RNASEH2B: variants seen among roughly 807,000 people sequenced by gnomAD.
The protein encoded by RNASEH2B is ribonuclease H2 subunit B, also known as Aicardi-Goutieres syndrome 2 protein.
In RNASEH2B, 36 loss-of-function variants were observed where a neutral mutation model predicts 45.0. The observed-to-expected ratio is 0.80, with a 90% CI of 0.61 to 1.06. RNASEH2B has a LOEUF of 1.06. Ranked by LOEUF, RNASEH2B falls within the 50% of genes least tolerant of loss-of-function variation. The pLI is 0.00. For synonymous variants in RNASEH2B, 119 were observed against 125.7 expected (o/e 0.95, Z 0.35); for missense variants, 361 against 360.3 (o/e 1.00, Z -0.02).
chr13:50,924,123 G>A (rs961020941), intron 1 of RNASEH2B, among the ~76,000 whole-genome samples: 4 of 152,164 alleles, frequency 2.6e-5, no homozygotes, highest in Admixed American at 6.5e-5. Context: ...AAAGGAATAT[G>A]ACATACAGAA....
chr13:50,940,725 G>A (rs1279693528), intron 5 of RNASEH2B: 1 of 152,210 alleles, frequency 6.6e-6, no homozygotes, highest in Non-Finnish European at 1.5e-5. Context: ...GTTGATCTAG[G>A]AGGAGATCAC....
downstream of RNASEH2B, among the ~76,000 whole-genome samples, chr13:50,958,893 C>T (rs1952082111): frequency 6.6e-6 from 1 of 151,980 alleles, no homozygotes; most frequent in Admixed American, 6.6e-5. Context: ...ATTGGATTTT[C>T]AAATATATAT....
intron 1 of RNASEH2B, among the ~76,000 whole-genome samples, chr13:50,914,294 A>G (rs1305490058): frequency 6.6e-5 from 10 of 152,204 alleles, no homozygotes; most frequent in Non-Finnish European, 8.8e-5. Context: ...TCAAAACGGT[A>G]TGTATGTATA....
intron 1 of RNASEH2B, 72 bp downstream of exon 1, chr13:50,910,212 G>A: frequency 8.7e-7 from 1 of 1,143,592 alleles, no homozygotes; most frequent in Non-Finnish European, 1.1e-6. Context: ...CGGGCGCGCC[G>A]CCCCCCACCC....
At chr13:50,952,406 G>A (rs1951987251) in intron 9 of RNASEH2B, 2 of 151,820 alleles carry the variant, frequency 1.3e-5, no homozygotes, top group Non-Finnish European at 2.9e-5. Flanking sequence ...ATAGAAACAT[G>A]TATTTTTTTT....
At chr13:50,949,556 C>G in intron 9 of RNASEH2B, 51 bp downstream of exon 9, 3 of 1,497,572 alleles carry the variant, frequency 2.0e-6, no homozygotes, top group Non-Finnish European at 2.8e-6. Flanking sequence ...AAATATTACA[C>G]TCTTACCACA....
intron 5 of RNASEH2B, chr13:50,935,313 G>T (rs935238816): frequency 5.4e-6 from 2 of 373,824 alleles, no homozygotes; most frequent in African/African-American, 4.1e-5. Flanking sequence ...TGCCTCAGAT[G>T]TCTCATTGTA....
chr13:50,936,007 TG>T (rs1030768859), intron 5 of RNASEH2B: 1 of 152,084 alleles, frequency 6.6e-6, no homozygotes, highest in Non-Finnish European at 1.5e-5. Context: ...ATCTGGTTGT[TG>T]GGTGGTGGTC....
exon 10 of RNASEH2B, chr13:50,970,062 C>T: frequency 8.6e-7 from 1 of 1,169,292 alleles, no homozygotes; most frequent in South Asian, 1.3e-5. Flanking sequence ...TGGAAAATCG[C>T]CAGGTGCCAA....
chr13:50,935,431 A>G (rs538269631), intron 5 of RNASEH2B: 23 of 201,332 alleles, frequency 1.1e-4, no homozygotes, highest in South Asian at 5.2e-4. Context: ...TGAATAAGAC[A>G]TTGTCCTTTT....
intron 1 of RNASEH2B, among the ~76,000 whole-genome samples, chr13:50,922,348 A>T (rs1271332042): frequency 6.6e-6 from 1 of 152,176 alleles, no homozygotes. Context: ...GGCTATGTGC[A>T]TGCTCAGAAG....
At chr13:50,964,617 G>A (rs374636556) in intron 9 of RNASEH2B, among the ~76,000 whole-genome samples, 9 of 152,266 alleles carry the variant, frequency 5.9e-5, no homozygotes, top group African/African-American at 1.9e-4. Context: ...GCACGGTGCC[G>A]AGCACACAGT....
intron 1 of RNASEH2B, among the ~76,000 whole-genome samples, chr13:50,926,009 C>T (rs1352630812): frequency 5.9e-5 from 9 of 152,280 alleles, no homozygotes; most frequent in South Asian, 2.1e-4. Flanking sequence ...TCAGGGACTA[C>T]GGTCCTGCAT....
In RNASEH2B at chr13:50,956,345, T is replaced by C; in HGVS notation, c.823-13T>C. ...CATTCATAACAATTTTTCTCTCTTA[T>C]TTTCATTAACAGAAAAATAGCAAAA... is the stretch of plus-strand genomic sequence containing the variant. On this transcript the variant is annotated splice_polypyrimidine_tract_variant and intron_variant, in intron 10 of 10. Transcript: ENST00000336617. The C allele has an allele frequency of 6.3e-7, 1 of 1,578,000 alleles. No individual in the cohort carries two copies. Among genetic ancestry groups the C allele is most frequent in the Non-Finnish European group, 8.7e-7 (1 of 1,154,868 alleles).
chr13:50,946,482 G>C (rs1951902070), intron 7 of RNASEH2B, among the ~76,000 whole-genome samples: 1 of 152,196 alleles, frequency 6.6e-6, no homozygotes. Flanking sequence ...GTTACCAGCT[G>C]TCAGTGTCTT....
intron 1 of RNASEH2B, among the ~76,000 whole-genome samples, chr13:50,917,073 C>T (rs11617366): frequency 0.21 from 32,078 of 152,100 alleles, 3,817 homozygotes; most frequent in African/African-American, 0.32. Context: ...AGTTTGAAAC[C>T]TTTCAAAACA....
At chr13:50,918,240 C>A (rs1879854687) in intron 1 of RNASEH2B, among the ~76,000 whole-genome samples, 1 of 152,168 alleles carries the variant, frequency 6.6e-6, no homozygotes, top group Non-Finnish European at 1.5e-5. Flanking sequence ...CAGGTTCACG[C>A]CATTCTCCTG....
intron 8 of RNASEH2B, 71 bp from the exon 9 acceptor site, chr13:50,949,392 G>A (rs1288648235): frequency 7.2e-7 from 1 of 1,397,208 alleles, no homozygotes; most frequent in Non-Finnish European, 1.0e-6. Flanking sequence ...TAAGTCTTAA[G>A]TTGGCCCTGT....
chr13:50,934,921 A>T lies in RNASEH2B; in HGVS notation c.358A>T (p.Asn120Tyr). Residue 120 changes from asparagine (N) to tyrosine (Y), a missense_variant, in exon 5 of 11, where the codon AAC becomes TAC. Physicochemically the swap from Asn to Tyr is moderately radical, Grantham distance 143 (BLOSUM62 -2). Transcript: ENST00000336617. Reference sequence around the variant, plus strand: ...GCCCCTTGATCAAGTTGTGGTGGATAACGTGTTTCCAAATTGCATCTTGTT... The same window carrying T: ...GCCCCTTGATCAAGTTGTGGTGGATTACGTGTTTCCAAATTGCATCTTGTT... ...FQPLDQVVVD[N>Y]VFPNCILLLK... The T allele has an allele frequency of 6.2e-7, 1 of 1,613,940 alleles. No individual in the cohort carries two copies. Among genetic ancestry groups the T allele is most frequent in the Non-Finnish European group, 8.5e-7 (1 of 1,179,830 alleles).
Sources: allele counts gnomAD v4.1 joint callset (sites outside exome capture counted in the v4.1 genomes callset), GRCh38; gene constraint gnomAD v4.1.1; transcripts MANE v1.5; gene names NCBI Gene and HGNC (gene_info 2026-07-23, HGNC 2026-07-21).